The following EPHA6 variants were observed in gnomAD, a reference collection of about 807,000 sequenced individuals.
EPHA6 encodes EPH receptor A6, also known as ephrin type-A receptor 6.
In EPHA6, 50 loss-of-function variants were observed where a neutral mutation model predicts 112.0. That is an observed-to-expected ratio of 0.45 (90% CI 0.36 to 0.56). The LOEUF is 0.56. Ranked by LOEUF, EPHA6 falls within the 20% of genes least tolerant of loss-of-function variation. The pLI, the probability that EPHA6 is intolerant of heterozygous loss-of-function variation, is 0.00. For missense variants in EPHA6, 1,280 were observed against 1,417.4 expected (o/e 0.90, Z 1.56); for synonymous variants, 529 against 490.7 (o/e 1.08, Z -1.03).
chr3:96,848,128 T>G (rs977626631), intron 1 of EPHA6, among the ~76,000 whole-genome samples: 4 of 152,078 alleles, frequency 2.6e-5, no homozygotes, highest in Non-Finnish European at 4.4e-5. Context: ...AAATGTATCT[T>G]ACAAATTAGA....
intron 1 of EPHA6, among the ~76,000 whole-genome samples, chr3:96,848,807 C>T (rs1052001145): frequency 2.0e-5 from 3 of 151,958 alleles, no homozygotes; most frequent in Admixed American, 1.3e-4. Flanking sequence ...TACTCATTTT[C>T]CTTATTCTTA....
intron 3 of EPHA6, among the ~76,000 whole-genome samples, chr3:97,020,356 C>G (rs566589366): frequency 1.2e-4 from 19 of 152,172 alleles, no homozygotes; most frequent in South Asian, 6.2e-4. Context: ...TTTCACAGAT[C>G]AGGTCATTAT....
At chr3:96,823,028 T>C (rs188806385) in intron 1 of EPHA6, among the ~76,000 whole-genome samples, 2 of 151,824 alleles carry the variant, frequency 1.3e-5, no homozygotes, top group Admixed American at 1.3e-4. Flanking sequence ...ATATATATTC[T>C]AAGTAAGAAT....
intron 14 of EPHA6, among the ~76,000 whole-genome samples, chr3:97,659,785 A>G (rs1190108726): frequency 6.6e-6 from 1 of 152,044 alleles, no homozygotes; most frequent in Non-Finnish European, 1.5e-5. Flanking sequence ...TGAATTTTGA[A>G]TAAAATGATT....
chr3:97,014,973 T>C (rs1012855774), intron 3 of EPHA6, among the ~76,000 whole-genome samples: 1 of 152,176 alleles, frequency 6.6e-6, no homozygotes, highest in Non-Finnish European at 1.5e-5. Context: ...GATAAAAGTG[T>C]TAATTCTAAT....
At chr3:97,464,950 C>A (rs1287191567) in intron 7 of EPHA6, among the ~76,000 whole-genome samples, 2 of 152,036 alleles carry the variant, frequency 1.3e-5, no homozygotes, top group Non-Finnish European at 2.9e-5. Context: ...TTATTTGTAT[C>A]CTGAAGTTAA....
intron 12 of EPHA6, among the ~76,000 whole-genome samples, chr3:97,599,535 A>T (rs1484839422): frequency 6.7e-6 from 1 of 149,590 alleles, no homozygotes; most frequent in Admixed American, 6.7e-5. Context: ...TCCTTTCCCC[A>T]TTTCTTGTTT....
intron 1 of EPHA6, among the ~76,000 whole-genome samples, chr3:96,829,761 G>T (rs555354023): frequency 1.3e-5 from 2 of 152,072 alleles, no homozygotes; most frequent in Admixed American, 1.3e-4. Flanking sequence ...CTGAAATTCT[G>T]TATTAAATGC....
chr3:97,009,216 T>G (rs1339674033), intron 3 of EPHA6, among the ~76,000 whole-genome samples: 2 of 152,130 alleles, frequency 1.3e-5, no homozygotes, highest in Non-Finnish European at 2.9e-5. Context: ...GAGGAAAGGC[T>G]AAGTCTGCTG....
intron 11 of EPHA6, among the ~76,000 whole-genome samples, chr3:97,571,075 GA>G (rs1346782024): frequency 6.6e-6 from 1 of 152,158 alleles, no homozygotes; most frequent in African/African-American, 2.4e-5. Flanking sequence ...CTAAATTCAG[GA>G]ATGGATTCTG....
intron 3 of EPHA6, among the ~76,000 whole-genome samples, chr3:97,089,455 T>A (rs1576467146): frequency 6.6e-6 from 1 of 152,154 alleles, no homozygotes; most frequent in East Asian, 1.9e-4. Context: ...GTATTCTTTC[T>A]GTAATCTTTC....
intron 5 of EPHA6, among the ~76,000 whole-genome samples, chr3:97,340,558 GT>G (rs1441326863): frequency 1.1e-4 from 16 of 152,230 alleles, no homozygotes; most frequent in African/African-American, 3.9e-4. Flanking sequence ...GATAGTGGGT[GT>G]TTCCCTTATG....
intron 5 of EPHA6, among the ~76,000 whole-genome samples, chr3:97,296,479 A>AT (rs1388617087): frequency 6.6e-6 from 1 of 152,176 alleles, no homozygotes; most frequent in East Asian, 1.9e-4. Flanking sequence ...AGTAGCAATG[A>AT]TAGCAGTGGA....
chr3:97,450,989 AAAG>A (rs1396322773), intron 7 of EPHA6, among the ~76,000 whole-genome samples: 1 of 151,942 alleles, frequency 6.6e-6, no homozygotes, highest in African/African-American at 2.4e-5. Flanking sequence ...TTCTTTCTTG[AAAG>A]AAGAATAGTC....
At chr3:96,978,090 A>G (rs745495156) in intron 2 of EPHA6, among the ~76,000 whole-genome samples, 4 of 152,146 alleles carry the variant, frequency 2.6e-5, no homozygotes, top group Admixed American at 6.6e-5. Context: ...AGCCTGGGAC[A>G]TGGAGGTTGC....
chr3:97,102,780 C>A lies in EPHA6; in HGVS notation c.1114+114787C>A, dbSNP rs1441125876. On this transcript the variant is annotated intron_variant, in intron 3 of 17. Coordinates refer to ENST00000389672, the MANE Select transcript of EPHA6 (RefSeq NM_001080448.3). Reference sequence around the variant, plus strand: ...TTCCTTTTCTCCACAACCTTGCCAGCATCTGTTATCTTTTTTTTTGGCTTT... The same window carrying A: ...TTCCTTTTCTCCACAACCTTGCCAGAATCTGTTATCTTTTTTTTTGGCTTT... Among the ~76,000 whole-genome samples the A allele has an allele frequency of 2.6e-5, 4 of 152,000 alleles. No homozygotes were observed. In the East Asian group the frequency reaches 7.7e-4, roughly 29 times the overall value.
chr3:97,557,587 G>A (rs1437617), intron 11 of EPHA6, among the ~76,000 whole-genome samples: 42,479 of 151,660 alleles, frequency 0.28, 9,318 homozygotes, highest in African/African-American at 0.6. Flanking sequence ...TGACCAGCTT[G>A]CCATGTATCC....
chr3:96,831,544 T>C (rs530495485), intron 1 of EPHA6, among the ~76,000 whole-genome samples: 2 of 152,188 alleles, frequency 1.3e-5, no homozygotes, highest in East Asian at 1.9e-4. Flanking sequence ...TTGACACTTT[T>C]ATTAAGAATA....
Position 96,814,889 on chromosome 3 carries a change from G to C in EPHA6, c.266G>C (p.Arg89Thr). 1 of 1,554,422 alleles carries C rather than the reference G, an allele frequency of 6.4e-7. No homozygotes were observed. The highest frequency in any genetic ancestry group is 8.7e-7 in the Non-Finnish European group (1 of 1,148,300). The change falls in exon 1 of 18, where the codon AGA (arginine) becomes ACA (threonine). Residue 89 changes from arginine (R) to threonine (T), a missense_variant. Physicochemically the swap from Arg to Thr is moderately conservative, Grantham distance 71 (BLOSUM62 -1). This residue lies in a region of EPHA6 where 220 missense variants were observed against 171.5 expected (regional missense o/e 1.28). Coordinates refer to ENST00000389672, the MANE Select transcript of EPHA6 (RefSeq NM_001080448.3). ...CRHFSLRERK[R>T]EPRRTMGGCE... Reference sequence around the variant, plus strand: ...CACTTCTCTTTAAGGGAGAGGAAAAGAGAGCCTAGGAGAACCATGGGGGGC... The same window carrying C: ...CACTTCTCTTTAAGGGAGAGGAAAACAGAGCCTAGGAGAACCATGGGGGGC...
Sources: gnomAD v4.1 joint callset for allele counts (sites outside exome capture counted in the v4.1 genomes callset) on GRCh38, gnomAD v4.1.1 for gene constraint, gnomAD v4.1.1 regional missense constraint, MANE v1.5 for transcripts, NCBI Gene and HGNC (gene_info 2026-07-23, HGNC 2026-07-21) for gene names.